Variants in EPB41L1 observed in about 807,000 individuals in gnomAD.
EPB41L1 encodes the protein erythrocyte membrane protein band 4.1 like 1.
EPB41L1 carries 29 observed loss-of-function variants against 97.8 expected under a neutral mutation model. That is an observed-to-expected ratio of 0.30 (90% CI 0.22 to 0.40). EPB41L1 has a LOEUF of 0.40. Ranked by LOEUF, EPB41L1 falls within the 10% of genes least tolerant of loss-of-function variation. The pLI is 1.00. For synonymous variants in EPB41L1, 383 were observed against 459.2 expected (o/e 0.83, Z 2.12); for missense variants, 812 against 1,162.3 (o/e 0.70, Z 4.38).
chr20:36,189,008 C>T (rs1050064293), intron 9 of EPB41L1, among the ~76,000 whole-genome samples: 2 of 152,132 alleles, frequency 1.3e-5, no homozygotes, highest in African/African-American at 4.8e-5. Flanking sequence ...AGTTTGTACA[C>T]ATTTTAAGAT....
At chr20:36,107,793 C>T (rs2058248981) in intron 1 of EPB41L1, among the ~76,000 whole-genome samples, 1 of 151,328 alleles carries the variant, frequency 6.6e-6, no homozygotes, top group Admixed American at 6.6e-5. Flanking sequence ...CACACCACTG[C>T]ACTCTAGCCT....
At chr20:36,217,214 G>C (rs2063499895) in intron 17 of EPB41L1, among the ~76,000 whole-genome samples, 1 of 152,168 alleles carries the variant, frequency 6.6e-6, no homozygotes, top group African/African-American at 2.4e-5. Context: ...ACATTTCCAG[G>C]GCAAAATGTC....
At chr20:36,162,540 C>G (rs758784683) in intron 1 of EPB41L1, among the ~76,000 whole-genome samples, 15 of 152,150 alleles carry the variant, frequency 9.9e-5, no homozygotes, top group Non-Finnish European at 2.1e-4. Context: ...TTGTGCAGCT[C>G]AAATAAGATA....
intron 2 of EPB41L1, among the ~76,000 whole-genome samples, chr20:36,144,580 T>C (rs2059767401): frequency 6.6e-6 from 1 of 152,194 alleles, no homozygotes; most frequent in Non-Finnish European, 1.5e-5. Flanking sequence ...TGGGACACTC[T>C]CTGATACAGG....
chr20:36,169,917 C>A (rs969758585), intron 1 of EPB41L1, among the ~76,000 whole-genome samples: 5 of 152,222 alleles, frequency 3.3e-5, no homozygotes, highest in Non-Finnish European at 5.9e-5. Context: ...GCAGCCAGCT[C>A]CTCGGGAACC....
chr20:36,147,398 C>T (rs570558182), intron 2 of EPB41L1, among the ~76,000 whole-genome samples: 29 of 152,294 alleles, frequency 1.9e-4, no homozygotes, highest in African/African-American at 6.7e-4. Flanking sequence ...GTCAGTATCT[C>T]CAGAATAAAC....
At chr20:36,175,738 A>G (rs1357957067) in intron 3 of EPB41L1, 23 bp downstream of exon 3, 14 of 1,613,370 alleles carry the variant, frequency 8.7e-6, no homozygotes, top group Admixed American at 5.0e-5. Flanking sequence ...TGAGTGCCAT[A>G]TGTCCCGTCC....
chr20:36,161,650 T>A (rs2060528769), intron 1 of EPB41L1, among the ~76,000 whole-genome samples: 1 of 152,032 alleles, frequency 6.6e-6, no homozygotes, highest in Admixed American at 6.5e-5. Flanking sequence ...AGTTCTTGTA[T>A]TTTTAGTAGA....
chr20:36,147,113 A>C (rs1569130397), intron 2 of EPB41L1, among the ~76,000 whole-genome samples: 1 of 152,100 alleles, frequency 6.6e-6, no homozygotes, highest in Non-Finnish European at 1.5e-5. Context: ...ACACCACTGC[A>C]CTCCAGCATG....
In EPB41L1 at chr20:36,185,210, G is replaced by T. The variant is rs1341550563; in HGVS notation, c.660G>T (p.Val220=). Reference sequence around the variant, plus strand: ...ATGCCCTACTGGGCTCCTACGCTGTGCAGGCTGAGCTGGGTGACTATGATG... The same window carrying T: ...ATGCCCTACTGGGCTCCTACGCTGTTCAGGCTGAGCTGGGTGACTATGATG... The part of the protein sequence containing the change: ...VTHALLGSYA[V]QAELGDYDAE... Residue 220 remains valine (V), a synonymous_variant, in exon 7 of 22, where the codon GTG becomes GTT. Transcript: ENST00000338074. 3 of 1,613,676 alleles carry T rather than the reference G, an allele frequency of 1.9e-6. No individual in the cohort carries two copies. In the East Asian group the frequency reaches 6.7e-5, roughly 36 times the overall value.
intron 1 of EPB41L1, among the ~76,000 whole-genome samples, chr20:36,094,328 C>A (rs1012890051): frequency 1.3e-5 from 2 of 152,136 alleles, no homozygotes; most frequent in African/African-American, 2.4e-5. Context: ...TACCGGGCCA[C>A]GCCATTTTTG....
intron 2 of EPB41L1, among the ~76,000 whole-genome samples, chr20:36,126,746 T>C (rs1363855384): frequency 6.6e-6 from 1 of 152,252 alleles, no homozygotes; most frequent in East Asian, 1.9e-4. Flanking sequence ...GGTAAGCTCC[T>C]GCGTGCTCCC....
At chr20:36,177,850 G>A (rs2061314755) in intron 3 of EPB41L1, 102 bp from the exon 4 acceptor site, 2 of 931,632 alleles carry the variant, frequency 2.1e-6, no homozygotes, top group South Asian at 1.4e-5. Context: ...GACACCGAAA[G>A]GCCCTTGGGG....
intron 1 of EPB41L1, among the ~76,000 whole-genome samples, chr20:36,109,306 G>A (rs113208811): frequency 0.02 from 3,081 of 152,208 alleles, 114 homozygotes; most frequent in African/African-American, 0.071. Flanking sequence ...TCCTGGCCAC[G>A]CCCTTCACTT....
chr20:36,152,112 A>C (rs1172069724), upstream of EPB41L1: 2 of 152,208 alleles, frequency 1.3e-5, no homozygotes, highest in African/African-American at 4.8e-5. Context: ...GTCTCAAAAA[A>C]GAAAAAAAAA....
chr20:36,223,747 G>GC (rs1204790258), intron 21 of EPB41L1, among the ~76,000 whole-genome samples: 1 of 152,118 alleles, frequency 6.6e-6, no homozygotes, highest in Non-Finnish European at 1.5e-5. Context: ...AGAGGGAAGG[G>GC]CCAGAAAGGA....
intron 2 of EPB41L1, among the ~76,000 whole-genome samples, chr20:36,147,474 C>A (rs2059885423): frequency 6.6e-6 from 1 of 152,172 alleles, no homozygotes; most frequent in Non-Finnish European, 1.5e-5. Flanking sequence ...GTCAGGCATG[C>A]CTGGGGTTGA....
rs1187891600 is a variant in EPB41L1, at chr20:36,154,811, C to G, written c.-100C>G. 22 of 991,068 alleles carry G rather than the reference C, an allele frequency of 2.2e-5. No homozygotes were observed. Among genetic ancestry groups the G allele is most frequent in the Non-Finnish European group, 2.2e-5 (18 of 833,576 alleles). 61.4% of individuals were successfully genotyped at this position (991,068 alleles called of 1,614,324 possible). ...CGCAGAGCCCGCCGCGACCCCGCGC[C>G]GCCCCGCCCCGCGGCCTGCCTGCCA... On this transcript the variant is annotated 5_prime_UTR_variant, in exon 1 of 22. Transcript: ENST00000338074. The surrounding 1 kb of genome is among the most constrained non-coding windows in gnomAD (Gnocchi z 5.5).
intron 1 of EPB41L1, among the ~76,000 whole-genome samples, chr20:36,171,589 GC>G (rs1163570508): frequency 6.6e-6 from 1 of 152,172 alleles, no homozygotes; most frequent in Non-Finnish European, 1.5e-5. Flanking sequence ...TCTGTGGGGG[GC>G]TGAGGATGTT....
Sources: gnomAD v4.1 joint callset for allele counts (sites outside exome capture counted in the v4.1 genomes callset) on GRCh38, gnomAD v4.1.1 for gene constraint, Gnocchi (gnomAD v3.1) non-coding constraint, MANE v1.5 for transcripts, NCBI Gene and HGNC (gene_info 2026-07-23, HGNC 2026-07-21) for gene names.